The following SORBS2 variants were observed in gnomAD, a reference collection of about 807,000 sequenced individuals.
SORBS2 encodes the protein sorbin and SH3 domain containing 2, also known as sorbin and SH3 domain-containing protein 2.
SORBS2 carries 46 observed loss-of-function variants against 97.7 expected under a neutral mutation model. The observed-to-expected ratio is 0.47, with a 90% CI of 0.37 to 0.60. SORBS2 has a LOEUF of 0.60. Among genes scored for constraint, SORBS2 ranks in the 20% least tolerant of loss-of-function variants. SORBS2 has a pLI of 0.00. For synonymous variants in SORBS2, 476 were observed against 473.4 expected, an observed-to-expected ratio of 1.01 and a Z score of -0.07; for missense variants, 1,316 against 1,282.3, an observed-to-expected ratio of 1.03 and a Z score of -0.40.
At chr4:185,927,634 T>G (rs538093867) in intron 1 of SORBS2, among the ~76,000 whole-genome samples, 2 of 152,350 alleles carry the variant, frequency 1.3e-5, no homozygotes, top group South Asian at 4.1e-4. Flanking sequence ...TACATCTTAA[T>G]TTGAAAACTA....
intron 1 of SORBS2, among the ~76,000 whole-genome samples, chr4:185,790,024 A>G (rs1040308237): frequency 3.3e-5 from 5 of 152,178 alleles, no homozygotes; most frequent in African/African-American, 1.2e-4. Flanking sequence ...TACTGTAGTT[A>G]AAAAGTTCAT....
intron 1 of SORBS2, among the ~76,000 whole-genome samples, chr4:185,890,399 T>C (rs2099241861): frequency 6.6e-6 from 1 of 152,192 alleles, no homozygotes; most frequent in South Asian, 2.1e-4. Context: ...TGTTATCTCC[T>C]CTTATCCTGA....
chr4:185,927,893 C>G (rs184215365), intron 1 of SORBS2, among the ~76,000 whole-genome samples: 1 of 152,128 alleles, frequency 6.6e-6, no homozygotes, highest in African/African-American at 2.4e-5. Flanking sequence ...ATCACCAACA[C>G]GGACTTCTGA....
intron 3 of SORBS2, among the ~76,000 whole-genome samples, chr4:185,647,493 A>G (rs2097231052): frequency 6.9e-6 from 1 of 144,404 alleles, no homozygotes; most frequent in Admixed American, 7.2e-5. Context: ...GCTCGCTGCC[A>G]TCTCACTCAA....
At chr4:185,844,508 C>T (rs932712908) in intron 1 of SORBS2, among the ~76,000 whole-genome samples, 5 of 152,158 alleles carry the variant, frequency 3.3e-5, no homozygotes, top group African/African-American at 1.2e-4. Context: ...TACTCATATA[C>T]GGCTGGAGGG....
chr4:185,614,241 G>A (rs1388300625), intron 11 of SORBS2, among the ~76,000 whole-genome samples: 1 of 140,564 alleles, frequency 7.1e-6, no homozygotes, highest in Non-Finnish European at 1.5e-5. Context: ...ACAGGCGTGA[G>A]CCACCATGCC....
chr4:185,832,951 C>T (rs891940647), intron 1 of SORBS2, among the ~76,000 whole-genome samples: 1 of 152,138 alleles, frequency 6.6e-6, no homozygotes. Context: ...TGTTTACATC[C>T]TTGATAAAAT....
At chr4:185,747,232 A>G (rs1346734180) in intron 2 of SORBS2, among the ~76,000 whole-genome samples, 1 of 152,182 alleles carries the variant, frequency 6.6e-6, no homozygotes, top group East Asian at 1.9e-4. Context: ...ACCTGCTCTC[A>G]CCTTGATCTT....
At chr4:185,864,357 AC>A (rs1367965715) in intron 1 of SORBS2, among the ~76,000 whole-genome samples, 1 of 152,216 alleles carries the variant, frequency 6.6e-6, no homozygotes, top group Non-Finnish European at 1.5e-5. Flanking sequence ...GAATTAAAGG[AC>A]CACGTTTATT....
At chr4:185,649,402 A>T in intron 3 of SORBS2, 65 bp downstream of exon 12, 1 of 1,315,058 alleles carries the variant, frequency 7.6e-7, no homozygotes, top group Non-Finnish European at 1.0e-6. Flanking sequence ...TCTTCTACTG[A>T]ATGCCATGTA....
chr4:185,802,105 C>A (rs11733556), intron 1 of SORBS2, among the ~76,000 whole-genome samples: 35,356 of 152,196 alleles, frequency 0.23, 4,277 homozygotes, highest in Middle Eastern at 0.3. Context: ...CTTCAATTCT[C>A]TGAGCAATTT....
intron 2 of SORBS2, among the ~76,000 whole-genome samples, chr4:185,685,659 G>C (rs564445736): frequency 6.6e-6 from 1 of 152,212 alleles, no homozygotes; most frequent in East Asian, 1.9e-4. Flanking sequence ...AGTCTCCTGA[G>C]TAGCTAGGAC....
chr4:185,736,963 C>T (rs768711118), intron 2 of SORBS2, among the ~76,000 whole-genome samples: 22 of 152,162 alleles, frequency 1.4e-4, no homozygotes, highest in African/African-American at 3.6e-4. Flanking sequence ...ATTTCTCCTT[C>T]GAGTTGGCAT....
At chr4:185,942,306 A>G (rs778819778) in intron 1 of SORBS2, among the ~76,000 whole-genome samples, 5 of 152,062 alleles carry the variant, frequency 3.3e-5, no homozygotes, top group Non-Finnish European at 7.4e-5. Flanking sequence ...CAGTCCTCAA[A>G]TCGAACAGGA....
At chr4:185,731,862 CTCTCTATATATATATA>C (rs1480872760) in intron 2 of SORBS2, among the ~76,000 whole-genome samples, 39 of 30,572 alleles carry the variant, frequency 1.3e-3, no homozygotes, top group South Asian at 4.8e-3. Context: ...CTCTCTCTCT[CTCTCTATATATATATA>C]TATATATATA....
intron 13 of SORBS2, among the ~76,000 whole-genome samples, chr4:185,590,929 A>G (rs1437335119): frequency 6.6e-6 from 1 of 152,206 alleles, no homozygotes; most frequent in Non-Finnish European, 1.5e-5. Context: ...CATTCTGCTA[A>G]TGTGAGAAAA....
chr4:185,928,533 C>T (rs1232604192), intron 1 of SORBS2, among the ~76,000 whole-genome samples: 1 of 152,138 alleles, frequency 6.6e-6, no homozygotes, highest in Non-Finnish European at 1.5e-5. Context: ...TCATGGATTT[C>T]ATGTATAAGA....
intron 4 of SORBS2, among the ~76,000 whole-genome samples, chr4:185,664,960 C>T (rs967672888): frequency 2.4e-4 from 36 of 151,738 alleles, no homozygotes; most frequent in Non-Finnish European, 3.8e-4. Flanking sequence ...AGAATCTGTG[C>T]CATAAAATTT....
chr4:185,815,951 A>G (rs2099193027), intron 1 of SORBS2, among the ~76,000 whole-genome samples: 1 of 152,282 alleles, frequency 6.6e-6, no homozygotes, highest in Admixed American at 6.5e-5. Flanking sequence ...CACAGAGTTA[A>G]GGTTAAGATT....
Sources: gnomAD v4.1 joint callset for allele counts (sites outside exome capture counted in the v4.1 genomes callset) on GRCh38, gnomAD v4.1.1 for gene constraint, MANE v1.5 for transcripts, NCBI Gene and HGNC (gene_info 2026-07-23, HGNC 2026-07-21) for gene names.